PTPRN2: variants seen among roughly 807,000 people sequenced by gnomAD.
PTPRN2 encodes receptor-type tyrosine-protein phosphatase N2.
Under a neutral mutation model 118.8 loss-of-function variants are expected in PTPRN2, and 74 were observed. That is an observed-to-expected ratio of 0.62 (90% CI 0.52 to 0.76). The LOEUF is 0.76. Among genes scored for constraint, PTPRN2 ranks in the 30% least tolerant of loss-of-function variants. The probability of loss-of-function intolerance (pLI) is 0.00; values close to 1 mark genes in which losing one functional copy is unlikely to be tolerated. For synonymous variants in PTPRN2, 641 were observed against 608.0 expected, an observed-to-expected ratio of 1.05 and a Z score of -0.80; for missense variants, 1,481 against 1,394.4, an observed-to-expected ratio of 1.06 and a Z score of -0.99.
chr7:158,119,738 A>G (rs1222174341), intron 9 of PTPRN2, among the ~76,000 whole-genome samples: 1 of 152,122 alleles, frequency 6.6e-6, no homozygotes, highest in African/African-American at 2.4e-5. Context: ...AAACTTTATC[A>G]TAGGTATGTA....
At chr7:157,577,039 G>C (rs1404799148) in intron 18 of PTPRN2, among the ~76,000 whole-genome samples, 3 of 152,186 alleles carry the variant, frequency 2.0e-5, no homozygotes, top group African/African-American at 7.2e-5. Context: ...TTTTTTAAAA[G>C]GTTACAATCC....
At chr7:157,836,436 A>T (rs80016662) in intron 12 of PTPRN2, among the ~76,000 whole-genome samples, 1 of 152,248 alleles carries the variant, frequency 6.6e-6, no homozygotes, top group African/African-American at 2.4e-5. Flanking sequence ...GCCCAAGGAT[A>T]TTAATTGCAG....
At chr7:157,639,650 C>G (rs62476809) in intron 14 of PTPRN2, among the ~76,000 whole-genome samples, 1 of 152,188 alleles carries the variant, frequency 6.6e-6, no homozygotes, top group Non-Finnish European at 1.5e-5. Flanking sequence ...GGAAGGCAGG[C>G]GACAGGATTC....
intron 13 of PTPRN2, among the ~76,000 whole-genome samples, chr7:157,657,887 CCA>C (rs1348501814): frequency 7.7e-6 from 1 of 129,798 alleles, no homozygotes; most frequent in Non-Finnish European, 1.7e-5. Context: ...CACACACACA[CCA>C]CACACATCAC....
At chr7:157,731,017 G>A (rs1033658249) in intron 12 of PTPRN2, among the ~76,000 whole-genome samples, 2 of 152,050 alleles carry the variant, frequency 1.3e-5, no homozygotes, top group Non-Finnish European at 1.5e-5. Flanking sequence ...GGTGCCACAC[G>A]TGGTCTCCTG....
intron 11 of PTPRN2, among the ~76,000 whole-genome samples, chr7:157,902,666 G>A (rs557873487): frequency 1.4e-4 from 22 of 152,326 alleles, no homozygotes; most frequent in Middle Eastern, 3.4e-3. Context: ...TGTGACGCGC[G>A]TCAGGATTCT....
chr7:158,016,196 G>A (rs1030296159), intron 11 of PTPRN2, among the ~76,000 whole-genome samples: 1 of 152,352 alleles, frequency 6.6e-6, no homozygotes, highest in East Asian at 1.9e-4. Context: ...CTCATACAAG[G>A]GAGGTGGGGA....
At chr7:157,599,667 G>A (rs888304954) in intron 16 of PTPRN2, among the ~76,000 whole-genome samples, 1 of 152,226 alleles carries the variant, frequency 6.6e-6, no homozygotes, top group African/African-American at 2.4e-5. Flanking sequence ...TGCGGGGCAG[G>A]TGAAGGGAAC....
chr7:158,194,751 T>C (rs575127748), intron 4 of PTPRN2, among the ~76,000 whole-genome samples: 13 of 152,338 alleles, frequency 8.5e-5, no homozygotes, highest in African/African-American at 3.1e-4. Flanking sequence ...TCTCAACATC[T>C]AAGTCTAGAT....
At chr7:158,541,310 TG>T in intron 1 of PTPRN2, 2 of 588,834 alleles carry the variant, frequency 3.4e-6, no homozygotes, top group Non-Finnish European at 5.2e-6. Context: ...CTCTGGGCTG[TG>T]GTGGCATTTA....
intron 2 of PTPRN2, among the ~76,000 whole-genome samples, chr7:158,376,747 GA>G (rs1450334396): frequency 8.6e-6 from 1 of 115,944 alleles, no homozygotes; most frequent in East Asian, 2.8e-4. Flanking sequence ...CACGTCCTGA[GA>G]GGGGGGTCAG....
At chr7:158,362,684 A>T (rs1809085954) in intron 2 of PTPRN2, among the ~76,000 whole-genome samples, 1 of 115,860 alleles carries the variant, frequency 8.6e-6, no homozygotes, top group Non-Finnish European at 1.8e-5. Flanking sequence ...TAAAACCGTA[A>T]GTCAGGTTTG....
intron 12 of PTPRN2, among the ~76,000 whole-genome samples, chr7:157,815,913 T>C (rs933039618): frequency 6.6e-6 from 1 of 152,168 alleles, no homozygotes; most frequent in Non-Finnish European, 1.5e-5. Context: ...GGCGGCAAGA[T>C]TCACACAAGT....
At chr7:158,283,995 A>G (rs1799603781) in intron 3 of PTPRN2, among the ~76,000 whole-genome samples, 1 of 152,192 alleles carries the variant, frequency 6.6e-6, no homozygotes, top group Non-Finnish European at 1.5e-5. Flanking sequence ...TCAAGATCAG[A>G]TCACACGTTA....
At chr7:158,344,243 G>A (rs1488864298) in intron 2 of PTPRN2, among the ~76,000 whole-genome samples, 1 of 152,152 alleles carries the variant, frequency 6.6e-6, no homozygotes, top group Non-Finnish European at 1.5e-5. Context: ...GCCCCAAGAA[G>A]CCACCAGCCA....
At chr7:158,191,473 T>C (rs1038358479) in intron 5 of PTPRN2, among the ~76,000 whole-genome samples, 6 of 152,168 alleles carry the variant, frequency 3.9e-5, no homozygotes, top group Non-Finnish European at 8.8e-5. Flanking sequence ...TCCAAAATCC[T>C]ATCCCAGGAA....
chr7:157,932,037 A>G (rs188246328), intron 11 of PTPRN2, among the ~76,000 whole-genome samples: 188 of 152,348 alleles, frequency 1.2e-3, no homozygotes, highest in Admixed American at 1.6e-3. Flanking sequence ...CCAAATGGTA[A>G]CATTTTAGGC....
At chr7:158,120,284 A>G (rs1318577543) in intron 9 of PTPRN2, among the ~76,000 whole-genome samples, 1 of 152,198 alleles carries the variant, frequency 6.6e-6, no homozygotes, top group Non-Finnish European at 1.5e-5. Context: ...GCACAATAGC[A>G]CAAATGTTAA....
In PTPRN2 at chr7:157,994,515, A is replaced by G. The variant is rs867292334; in HGVS notation, c.1723+86783T>C. Among the ~76,000 whole-genome samples, 407 of 130,196 alleles carry G rather than the reference A, an allele frequency of 3.1e-3. 8 individuals carry two copies. The highest frequency in any genetic ancestry group is 0.013 in the African/African-American group (375 of 29,704). 85.4% of individuals were successfully genotyped at this position (130,196 alleles called of 152,430 possible). ...ACAGCTCCTTGTTCCTAAAATCAGC[A>G]CCGCATCCCCAGCTTACAGCTCCTT... is the stretch of plus-strand genomic sequence containing the variant. On this transcript the variant is annotated intron_variant, in intron 11 of 22. Transcript: ENST00000389418.
Sources: gnomAD v4.1 joint callset for allele counts (sites outside exome capture counted in the v4.1 genomes callset) on GRCh38, gnomAD v4.1.1 for gene constraint, MANE v1.5 for transcripts, NCBI Gene and HGNC (gene_info 2026-07-23, HGNC 2026-07-21) for gene names.